The following CDH13 variants were observed in gnomAD, a reference collection of about 807,000 sequenced individuals.
CDH13 encodes the protein cadherin-13.
CDH13 carries 24 observed loss-of-function variants against 63.8 expected under a neutral mutation model. The ratio of observed to expected loss-of-function variants is 0.38; its 90% CI spans 0.27 to 0.53. CDH13 has a LOEUF of 0.53. CDH13 is among the 20% of genes least tolerant of loss of function. The pLI, the probability that CDH13 is intolerant of heterozygous loss-of-function variation, is 0.85. For synonymous variants in CDH13, 503 were observed against 355.3 expected (o/e 1.42, Z -4.67); for missense variants, 1,049 against 903.1 (o/e 1.16, Z -2.07).
intron 1 of CDH13, among the ~76,000 whole-genome samples, chr16:82,811,602 G>C (rs924629229): frequency 1.3e-5 from 2 of 152,122 alleles, no homozygotes; most frequent in Admixed American, 6.6e-5. Flanking sequence ...CATTGAAAGA[G>C]CCTCTGAACT....
intron 1 of CDH13, among the ~76,000 whole-genome samples, chr16:82,768,830 C>T (rs1250067026): frequency 6.6e-6 from 1 of 152,212 alleles, no homozygotes; most frequent in East Asian, 1.9e-4. Context: ...TTCAGCCTAG[C>T]AAAGAAGATC....
intron 2 of CDH13, chr16:82,954,323 G>C (rs930358364): frequency 6.6e-6 from 1 of 152,168 alleles, no homozygotes; most frequent in Non-Finnish European, 1.5e-5. Flanking sequence ...GAAGGGAAGG[G>C]GCTGAGCATG....
At chr16:82,757,364 G>A (rs1464770453) in intron 1 of CDH13, among the ~76,000 whole-genome samples, 2 of 149,838 alleles carry the variant, frequency 1.3e-5, no homozygotes, top group African/African-American at 4.9e-5. Flanking sequence ...AAGTCCAAAG[G>A]CCCTTGTCTT....
At chr16:83,400,975 G>A (rs1237157023) in intron 6 of CDH13, among the ~76,000 whole-genome samples, 7 of 150,210 alleles carry the variant, frequency 4.7e-5, no homozygotes, top group Non-Finnish European at 4.5e-5. Context: ...AGACGGAGGT[G>A]AAGGGATCAC....
At chr16:83,134,401 G>T (rs1395740874) in intron 4 of CDH13, among the ~76,000 whole-genome samples, 1 of 152,046 alleles carries the variant, frequency 6.6e-6, no homozygotes, top group Non-Finnish European at 1.5e-5. Flanking sequence ...TGTTAGCCAG[G>T]CTGCTCTGGA....
intron 2 of CDH13, among the ~76,000 whole-genome samples, chr16:82,875,843 G>C (rs1302515048): frequency 6.6e-6 from 1 of 152,178 alleles, no homozygotes; most frequent in Admixed American, 6.5e-5. Flanking sequence ...TCCTGTATTA[G>C]TCTGTTTTCA....
intron 2 of CDH13, among the ~76,000 whole-genome samples, chr16:83,031,385 T>TATGTATATACATATAC (rs1401082136): frequency 1.5e-5 from 1 of 68,014 alleles, no homozygotes; most frequent in Non-Finnish European, 2.8e-5. Context: ...TATACACGTA[T>TATGTATATACATATAC]ATGTATATAC....
intron 6 of CDH13, among the ~76,000 whole-genome samples, chr16:83,410,558 A>G (rs988210226): frequency 3.3e-5 from 5 of 152,116 alleles, no homozygotes; most frequent in African/African-American, 7.2e-5. Flanking sequence ...CCCACCCCCT[A>G]TATTTTGTAT....
intron 5 of CDH13, among the ~76,000 whole-genome samples, chr16:83,262,070 C>A (rs903757882): frequency 5.3e-5 from 8 of 152,106 alleles, no homozygotes; most frequent in African/African-American, 1.9e-4. Flanking sequence ...TGAGAAGTTA[C>A]CAAATGATTA....
Position 83,085,764 on chromosome 16 carries a change from A to T in CDH13, c.367-39621A>T, listed in dbSNP as rs147149815. Reference sequence around the variant, plus strand: ...GTATAGTCAAATACATATATTTGGGAAACGTTATTTTCTTGCTGACAGAAC... The same window carrying T: ...GTATAGTCAAATACATATATTTGGGTAACGTTATTTTCTTGCTGACAGAAC... On this transcript the variant is annotated intron_variant, in intron 3 of 13. Coordinates refer to ENST00000567109, the MANE Select transcript of CDH13 (RefSeq NM_001257.5). Among the ~76,000 whole-genome samples, 271 of 152,322 alleles carry T rather than the reference A, an allele frequency of 1.8e-3. 2 individuals carry two copies. The highest frequency in any genetic ancestry group is 4.4e-3 in the African/African-American group (185 of 41,584).
At chr16:83,031,132 C>T (rs1474176991) in intron 2 of CDH13, among the ~76,000 whole-genome samples, 1 of 148,556 alleles carries the variant, frequency 6.7e-6, no homozygotes, top group African/African-American at 2.5e-5. Context: ...ACATTACATG[C>T]ACATATACCA....
At chr16:82,754,190 G>T (rs1339001190) in intron 1 of CDH13, among the ~76,000 whole-genome samples, 1 of 152,108 alleles carries the variant, frequency 6.6e-6, no homozygotes, top group African/African-American at 2.4e-5. Flanking sequence ...TATTTGATTT[G>T]CATTAAGCAC....
intron 2 of CDH13, among the ~76,000 whole-genome samples, chr16:82,963,452 T>A (rs963662589): frequency 3.3e-4 from 50 of 152,232 alleles, no homozygotes; most frequent in African/African-American, 1.1e-3. Context: ...TCTTACATGA[T>A]CCCTGTCCCC....
chr16:82,650,918 G>T (rs909908956), intron 1 of CDH13, among the ~76,000 whole-genome samples: 1 of 152,230 alleles, frequency 6.6e-6, no homozygotes, highest in Non-Finnish European at 1.5e-5. Context: ...AAACAGGAGA[G>T]ACAGGTGAAG....
intron 7 of CDH13, among the ~76,000 whole-genome samples, chr16:83,556,146 G>T (rs969791100): frequency 6.6e-6 from 1 of 152,142 alleles, no homozygotes; most frequent in African/African-American, 2.4e-5. Flanking sequence ...CTGCAGCAGC[G>T]TTCTAACTCA....
intron 1 of CDH13, among the ~76,000 whole-genome samples, chr16:82,779,934 T>C (rs1291091477): frequency 7.2e-5 from 11 of 152,144 alleles, no homozygotes; most frequent in Admixed American, 6.5e-4. Context: ...CATCTGCACA[T>C]GTGTATCATG....
At chr16:82,865,317 C>T (rs148812046) in intron 2 of CDH13, among the ~76,000 whole-genome samples, 1 of 152,242 alleles carries the variant, frequency 6.6e-6, no homozygotes, top group Non-Finnish European at 1.5e-5. Context: ...CCACATTTCC[C>T]TTCTGCACTG....
rs1364416281 is a variant in CDH13 at position 83,444,236 on chromosome 16, T to TGATGAC, written c.782-42235_782-42230dup. ...ATGATGACCATAGTAATGATGATGA[T>TGATGAC]GATGACGATGATGGTAGAGGCTTAC... is the stretch of plus-strand genomic sequence containing the variant. On this transcript the variant is annotated intron_variant, in intron 6 of 13. Coordinates refer to ENST00000567109, the MANE Select transcript of CDH13 (RefSeq NM_001257.5). Among the ~76,000 whole-genome samples the TGATGAC allele has an allele frequency of 2.0e-5, 3 of 152,248 alleles. No individual in the cohort carries two copies. In the East Asian group the frequency reaches 5.8e-4, roughly 29 times the overall value.
At chr16:83,532,817 C>A (rs994545661) in intron 7 of CDH13, among the ~76,000 whole-genome samples, 1 of 152,194 alleles carries the variant, frequency 6.6e-6, no homozygotes, top group Non-Finnish European at 1.5e-5. Context: ...CCATGTGAAC[C>A]CTACCGGTGT....
Sources: gnomAD v4.1 joint callset for allele counts (sites outside exome capture counted in the v4.1 genomes callset) on GRCh38, gnomAD v4.1.1 for gene constraint, MANE v1.5 for transcripts, NCBI Gene and HGNC (gene_info 2026-07-23, HGNC 2026-07-21) for gene names.